The following ANTXR1 variants were observed in gnomAD, a reference collection of about 807,000 sequenced individuals.
ANTXR1 encodes the protein anthrax toxin receptor 1.
A neutral mutation model predicts 78.1 loss-of-function variants in ANTXR1; 19 were observed. That is an observed-to-expected ratio of 0.24 (90% confidence interval 0.17 to 0.36). The LOEUF is 0.36. Among genes scored for constraint, ANTXR1 ranks in the 10% least tolerant of loss-of-function variants. The pLI, the probability that ANTXR1 is intolerant of heterozygous loss-of-function variation, is 1.00. For missense variants in ANTXR1, 518 were observed against 718.6 expected (o/e 0.72, Z 3.19); for synonymous variants, 273 against 260.5 (o/e 1.05, Z -0.46).
At chr2:69,058,562 T>A (rs1670136395) in intron 3 of ANTXR1, among the ~76,000 whole-genome samples, 1 of 152,136 alleles carries the variant, frequency 6.6e-6, no homozygotes, top group African/African-American at 2.4e-5. Context: ...TTTCAAAATA[T>A]TACTACTCAT....
intron 9 of ANTXR1, among the ~76,000 whole-genome samples, chr2:69,102,497 A>G (rs1464441677): frequency 2.6e-5 from 4 of 152,260 alleles, no homozygotes; most frequent in Non-Finnish European, 4.4e-5. Context: ...CCCTCCGGCT[A>G]CTGAGATCAC....
rs538275266 is a variant in ANTXR1, at chr2:69,190,484, C to T, written c.1354-2851C>T. ...GCCTCCCAAATGATCATTTTAATGA[C>T]TTTACTATGATCATAGGTAACATTT... On this transcript the variant is annotated intron_variant, in intron 16 of 17. Transcript: ENST00000303714. Among the ~76,000 whole-genome samples, 4 of 152,344 alleles carry T rather than the reference C, an allele frequency of 2.6e-5. No homozygotes were observed. The South Asian group carries it at 8.3e-4, about 32-fold the overall frequency.
At chr2:69,145,979 G>A (rs1673215678) in intron 12 of ANTXR1, 20 of 985,344 alleles carry the variant, frequency 2.0e-5, no homozygotes, top group Non-Finnish European at 2.4e-5. Flanking sequence ...TCTTAAAAGA[G>A]AGGTCCTCAT....
rs967098016 is a variant in ANTXR1 at position 69,249,147 on chromosome 2, A to G, written c.*3662A>G. ...AACCCTGGAAGTTGCTTTTTTTAAAAAAATAATAAATTTCTTAAATCAACT... is the reference window on the plus strand; with the variant it reads ...AACCCTGGAAGTTGCTTTTTTTAAAGAAATAATAAATTTCTTAAATCAACT... On this transcript the variant is annotated 3_prime_UTR_variant, in exon 18 of 18. Coordinates refer to ENST00000303714, the MANE Select transcript of ANTXR1 (RefSeq NM_032208.3). 4 of 152,152 alleles carry G rather than the reference A, an allele frequency of 2.6e-5. No individual in the cohort carries two copies. Among genetic ancestry groups the G allele is most frequent in the African/African-American group, 9.7e-5 (4 of 41,422 alleles). 9.4% of individuals were successfully genotyped at this position (152,152 alleles called of 1,614,324 possible). A position where few individuals can be genotyped will look rare whatever the true frequency, so the allele number is the denominator to read the frequency against.
At chr2:69,145,601 T>A in intron 12 of ANTXR1, 7 of 1,353,326 alleles carry the variant, frequency 5.2e-6, no homozygotes, top group Non-Finnish European at 6.6e-6. Context: ...GGAGGCACTT[T>A]ATTGGCTACA....
At chr2:69,159,123 T>G (rs1430829110) in intron 13 of ANTXR1, among the ~76,000 whole-genome samples, 1 of 152,370 alleles carries the variant, frequency 6.6e-6, no homozygotes, top group South Asian at 2.1e-4. Context: ...CTTACATGTA[T>G]GTTATATGCA....
chr2:69,039,079 A>G (rs1669536565), intron 1 of ANTXR1, among the ~76,000 whole-genome samples: 1 of 152,216 alleles, frequency 6.6e-6, no homozygotes, highest in African/African-American at 2.4e-5. Context: ...ACAATGTCAG[A>G]GTAGAAAGAG....
chr2:69,044,689 G>C, intron 2 of ANTXR1, 53 bp from the exon 3 acceptor site: 5 of 1,570,472 alleles, frequency 3.2e-6, no homozygotes, highest in Non-Finnish European at 4.4e-6. Flanking sequence ...CCTGAAGGGA[G>C]TGGCATGCGC....
chr2:69,231,826 C>A (rs1001872620), intron 17 of ANTXR1, among the ~76,000 whole-genome samples: 2 of 152,098 alleles, frequency 1.3e-5, no homozygotes, highest in East Asian at 3.9e-4. Context: ...AACTGTCAGG[C>A]CTCAGAGGCA....
At chr2:69,145,446 C>A in intron 12 of ANTXR1, 1 of 1,546,220 alleles carries the variant, frequency 6.5e-7, no homozygotes, top group South Asian at 1.2e-5. Flanking sequence ...CAAACATGCT[C>A]GGTTTACACT....
intron 13 of ANTXR1, 122 bp downstream of exon 13, chr2:69,152,386 AC>A: frequency 1.0e-6 from 1 of 966,554 alleles, no homozygotes; most frequent in Non-Finnish European, 1.6e-6. Flanking sequence ...CATTTTTTAT[AC>A]AATTTATACA....
At chr2:69,076,571 C>T (rs1670738502) in intron 7 of ANTXR1, among the ~76,000 whole-genome samples, 1 of 151,992 alleles carries the variant, frequency 6.6e-6, no homozygotes, top group Non-Finnish European at 1.5e-5. Context: ...AGTATGTGCT[C>T]ACTTCTAAAA....
At chr2:69,235,598 G>A (rs181384561) in intron 17 of ANTXR1, among the ~76,000 whole-genome samples, 1 of 145,040 alleles carries the variant, frequency 6.9e-6, no homozygotes, top group Non-Finnish European at 1.5e-5. Flanking sequence ...GTTGCAGTGA[G>A]CTGAGATCAC....
intron 12 of ANTXR1, among the ~76,000 whole-genome samples, chr2:69,151,841 G>A (rs1673406967): frequency 2.0e-5 from 3 of 152,218 alleles, no homozygotes. Context: ...CACCAGGCAG[G>A]GGATGGTGTT....
chr2:69,153,243 A>C (rs1673443479), intron 13 of ANTXR1, among the ~76,000 whole-genome samples: 1 of 152,124 alleles, frequency 6.6e-6, no homozygotes, highest in Non-Finnish European at 1.5e-5. Context: ...TTCCCTCTGA[A>C]ACTTCAGCAT....
intron 13 of ANTXR1, among the ~76,000 whole-genome samples, chr2:69,163,253 C>G (rs913065323): frequency 4.6e-5 from 7 of 151,984 alleles, no homozygotes; most frequent in African/African-American, 1.7e-4. Flanking sequence ...GTTATTCCTT[C>G]TGCACTGGCT....
At chr2:69,059,789 C>T (rs4467309) in intron 3 of ANTXR1, among the ~76,000 whole-genome samples, 54,825 of 152,120 alleles carry the variant, frequency 0.36, 15,673 homozygotes, top group African/African-American at 0.76. Context: ...TTCACTTTAT[C>T]TTGGTGGTCT....
chr2:69,143,317 G>A lies in ANTXR1; in HGVS notation c.952-8852G>A, dbSNP rs150680576. On this transcript the variant is annotated intron_variant, in intron 12 of 17. Transcript: ENST00000303714. ...GAGGATCAGGATATACTGATGGCAC[G>A]TGTCATATTGGGGAAGGAAGAGAGG... Among the ~76,000 whole-genome samples, 531 of 152,302 alleles carry A rather than the reference G, an allele frequency of 3.5e-3. 8 individuals carry two copies. The highest frequency in any genetic ancestry group is 0.012 in the African/African-American group (487 of 41,564).
At chr2:69,056,871 G>T (rs1416409549) in intron 3 of ANTXR1, among the ~76,000 whole-genome samples, 4 of 152,008 alleles carry the variant, frequency 2.6e-5, no homozygotes, top group Non-Finnish European at 5.9e-5. Flanking sequence ...TAGAGACGGG[G>T]TTTCACCATG....
Sources: allele counts gnomAD v4.1 joint callset (sites outside exome capture counted in the v4.1 genomes callset), GRCh38; gene constraint gnomAD v4.1.1; transcripts MANE v1.5; gene names NCBI Gene and HGNC (gene_info 2026-07-23, HGNC 2026-07-21).